Variants in TM4SF1 observed in about 807,000 individuals in gnomAD.
TM4SF1 encodes the protein transmembrane 4 L six family member 1, also known as transmembrane 4 L6 family member 1.
In TM4SF1, 20 loss-of-function variants were observed where a neutral mutation model predicts 24.5. The observed-to-expected ratio is 0.82, with a 90% CI of 0.57 to 1.19. The LOEUF (loss-of-function observed/expected upper bound fraction) is 1.19, where lower values mean the gene tolerates loss of function less well. Among genes scored for constraint, TM4SF1 ranks in the 50% most tolerant of loss-of-function variants. The pLI, the probability that TM4SF1 is intolerant of heterozygous loss-of-function variation, is 0.00. For missense variants in TM4SF1, 258 were observed against 248.1 expected (o/e 1.04, Z -0.27); for synonymous variants, 107 against 95.4 (o/e 1.12, Z -0.71).
At chr3:149,370,000 T>C in intron 4 of TM4SF1, 120 bp from the exon 5 acceptor site, 1 of 1,260,442 alleles carries the variant, frequency 7.9e-7, no homozygotes, top group Non-Finnish European at 1.1e-6. Flanking sequence ...CAGCAAAGCT[T>C]AGGCCAACCA....
intron 4 of TM4SF1, chr3:149,370,276 C>G (rs940902114): frequency 5.9e-6 from 1 of 170,808 alleles, no homozygotes; most frequent in African/African-American, 2.4e-5. Context: ...CATGAAAAGA[C>G]CTGCCCTTTG....
chr3:149,371,753 C>T lies in TM4SF1; in HGVS notation c.528G>A (p.Leu176=). The T allele has an allele frequency of 6.2e-7, 1 of 1,614,076 alleles. No homozygotes were observed. Among genetic ancestry groups the T allele is most frequent in the Non-Finnish European group, 8.5e-7 (1 of 1,180,004 alleles). The change falls in exon 4 of 5, where the codon TTG becomes TTA. Residue 176 remains leucine (L), a synonymous_variant. Coordinates refer to ENST00000305366, the MANE Select transcript of TM4SF1 (RefSeq NM_014220.3). ...LLALGGIEFI[L]CLIQVINGVL... is the part of the protein sequence containing the mutation. The stretch of plus-strand genomic sequence containing the variant: ...CTCCATTTATTACTTGAATAAGACA[C>T]AAGATGAATTCAATTCCACCAAGAG...
rs902292104 is a variant in TM4SF1, at chr3:149,375,760, G to A, written c.187C>T (p.Pro63Ser). 6 of 1,614,078 alleles carry A rather than the reference G, an allele frequency of 3.7e-6. No individual in the cohort carries two copies. Among genetic ancestry groups the A allele is most frequent in the African/African-American group, 2.7e-5 (2 of 74,920 alleles). The change falls in exon 2 of 5, where the codon CCA becomes TCA. Residue 63 changes from proline (P) to serine (S), a missense_variant. Physicochemically the swap from Pro to Ser is moderately conservative, Grantham distance 74 (BLOSUM62 -1). Coordinates refer to ENST00000305366, the MANE Select transcript of TM4SF1 (RefSeq NM_014220.3). Reference protein sequence around the residue: ...IVGGGLLMLLPAFVFIGLEQD... With the variant: ...IVGGGLLMLLSAFVFIGLEQD... ...TCCAGCCCAATGAAGACAAATGCTG[G>A]CAGGAGCATCTGGTTAGGAAACAAA...
chr3:149,375,422 A>T (rs780604651), intron 3 of TM4SF1, 21 bp downstream of exon 3: 1 of 1,613,814 alleles, frequency 6.2e-7, no homozygotes, highest in Admixed American at 1.7e-5. Context: ...ATGTGTAGCC[A>T]TGTAGAGAGT....
At position 149,377,422 on chromosome 3, in the gene TM4SF1, G is replaced by A. The variant is rs1185161331; in HGVS notation, c.126C>T (p.His42=). ...AAAAGAACCACACGAAGCGGCTGAGGTGGTTTTCGGAGGCATACTTTGTTT... is the reference window on the plus strand; with the variant it reads ...AAAAGAACCACACGAAGCGGCTGAGATGGTTTTCGGAGGCATACTTTGTTT... ...NGETKYASEN[H]LSRFVWFFSG... Residue 42 remains histidine, a synonymous_variant, in exon 1 of 5, where the codon CAC becomes CAT. Transcript: ENST00000305366. 2.5e-6 allele frequency: 4 copies of A among 1,614,074 alleles called. No homozygotes were observed. The highest frequency in any genetic ancestry group is 3.4e-6 in the Non-Finnish European group (4 of 1,180,048).
chr3:149,371,919 T>G, intron 3 of TM4SF1, 52 bp from the exon 4 acceptor site: 1 of 1,542,840 alleles, frequency 6.5e-7, no homozygotes, highest in Non-Finnish European at 8.9e-7. Flanking sequence ...GAGGGGATAC[T>G]TCATAAACTA....
In TM4SF1 at chr3:149,369,742, T is replaced by A; in HGVS notation, c.*124A>T. The stretch of plus-strand genomic sequence containing the variant: ...GTGAAGATGCCAGTCTTTACAGGCG[T>A]TTGTAAAAGTAGACTGTGGGGAGTA... On this transcript the variant is annotated 3_prime_UTR_variant, in exon 5 of 5. Transcript: ENST00000305366. 3.3e-6 allele frequency: 4 copies of A among 1,219,082 alleles called. No individual in the cohort carries two copies. Among genetic ancestry groups the A allele is most frequent in the Non-Finnish European group, 4.6e-6 (4 of 860,518 alleles). 75.5% of individuals were successfully genotyped at this position (1,219,082 alleles called of 1,614,324 possible). A position where few individuals can be genotyped will look rare whatever the true frequency, so the allele number is the denominator to read the frequency against.
chr3:149,376,706 C>T (rs924216967), intron 1 of TM4SF1, among the ~76,000 whole-genome samples: 1 of 152,130 alleles, frequency 6.6e-6, no homozygotes, highest in Non-Finnish European at 1.5e-5. Context: ...TAAGTTTGCT[C>T]ACATTCTTTC....
chr3:149,374,225 G>GA (rs1209961893), intron 3 of TM4SF1, among the ~76,000 whole-genome samples: 1 of 152,176 alleles, frequency 6.6e-6, no homozygotes, highest in Non-Finnish European at 1.5e-5. Context: ...GAGATGCAGA[G>GA]AGCTCATTTC....
In TM4SF1 at chr3:149,371,833, T is replaced by G. The variant is rs1731828258; in HGVS notation, c.448A>C (p.Thr150Pro). 8 of 1,613,960 alleles carry G rather than the reference T, an allele frequency of 5.0e-6. No homozygotes were observed. In the African/African-American group the frequency reaches 8.0e-5, roughly 16 times the overall value. Residue 150 changes from threonine to proline, a missense_variant, in exon 4 of 5, where the codon ACT (threonine) becomes CCT (proline). By Grantham distance (38) the Thr-to-Pro change is conservative. Coordinates refer to ENST00000305366, the MANE Select transcript of TM4SF1 (RefSeq NM_014220.3). ...LLDTSTWSEC[T>P]EPKHIVEWNV... ...CATTCCACAATGTGCTTGGGTTCAG[T>G]GCACTCGGACCATGTGGAGGTATCC...
chr3:149,375,114 G>A (rs1434590560), intron 3 of TM4SF1, among the ~76,000 whole-genome samples: 1 of 152,056 alleles, frequency 6.6e-6, no homozygotes, highest in Non-Finnish European at 1.5e-5. Context: ...CTGAGGAAGG[G>A]GTATTGCTTG....
intron 3 of TM4SF1, among the ~76,000 whole-genome samples, chr3:149,374,498 T>C (rs903661973): frequency 6.6e-6 from 1 of 152,240 alleles, no homozygotes. Context: ...CAAAGAAACA[T>C]GTCATCCATT....
chr3:149,375,652 T>C, intron 2 of TM4SF1, 28 bp downstream of exon 2: 3 of 1,614,120 alleles, frequency 1.9e-6, no homozygotes, highest in Non-Finnish European at 2.5e-6. Flanking sequence ...TTAGGAGTCA[T>C]TTTCACCACC....
chr3:149,373,750 A>C (rs1427847572), intron 3 of TM4SF1, among the ~76,000 whole-genome samples: 1 of 152,228 alleles, frequency 6.6e-6, no homozygotes, highest in Non-Finnish European at 1.5e-5. Flanking sequence ...TTTTAAATGA[A>C]GAATGACATA....
chr3:149,376,157 AT>A (rs1731946732), intron 1 of TM4SF1, among the ~76,000 whole-genome samples: 1 of 152,252 alleles, frequency 6.6e-6, no homozygotes, highest in African/African-American at 2.4e-5. Context: ...CAAATCTTTA[AT>A]AGAATAACTG....
At chr3:149,375,972 C>G (rs1438199369) in intron 1 of TM4SF1, among the ~76,000 whole-genome samples, 2 of 152,144 alleles carry the variant, frequency 1.3e-5, no homozygotes, top group Non-Finnish European at 2.9e-5. Context: ...TGTAATCTGT[C>G]AAAGCATTTT....
intron 3 of TM4SF1, among the ~76,000 whole-genome samples, chr3:149,373,515 G>C (rs954970621): frequency 1.2e-4 from 19 of 152,176 alleles, no homozygotes; most frequent in Admixed American, 1.2e-3. Context: ...CTTGGAATTT[G>C]AGACCTAACT....
At chr3:149,375,352 G>A in intron 3 of TM4SF1, 91 bp downstream of exon 3, 1 of 1,499,146 alleles carries the variant, frequency 6.7e-7, no homozygotes, top group Non-Finnish European at 9.1e-7. Flanking sequence ...TGGATGGATG[G>A]ATAAGTGGAT....
At position 149,371,859 on chromosome 3, in the gene TM4SF1, A is replaced by G. The variant is rs772713260; in HGVS notation, c.422T>C (p.Leu141Pro). Residue 141 changes from leucine to proline, a missense_variant, in exon 4 of 5, where the codon CTG (leucine) becomes CCG (proline). Coordinates refer to ENST00000305366, the MANE Select transcript of TM4SF1 (RefSeq NM_014220.3). The stretch of plus-strand genomic sequence containing the variant: ...GCACTCGGACCATGTGGAGGTATCC[A>G]GAAGGTACCTGTGGGTAAAAAGAGA... ...TFASTEGQYL[L>P]DTSTWSECTE... The G allele has an allele frequency of 1.9e-6, 3 of 1,614,088 alleles. No individual in the cohort carries two copies. The South Asian group carries it at 3.3e-5, about 18-fold the overall frequency.
Sources: gnomAD v4.1 joint callset for allele counts (sites outside exome capture counted in the v4.1 genomes callset) on GRCh38, gnomAD v4.1.1 for gene constraint, MANE v1.5 for transcripts, NCBI Gene and HGNC (gene_info 2026-07-23, HGNC 2026-07-21) for gene names.